The following NEDD4L variants were observed in gnomAD, a reference collection of about 807,000 sequenced individuals.
NEDD4L encodes the protein E3 ubiquitin-protein ligase NEDD4-like.
In NEDD4L, 54 loss-of-function variants were observed where a neutral mutation model predicts 148.9. The observed-to-expected ratio is 0.36, with a 90% CI of 0.29 to 0.45. The LOEUF (loss-of-function observed/expected upper bound fraction) is 0.45, where lower values mean the gene tolerates loss of function less well. NEDD4L is among the 20% of genes least tolerant of loss of function. NEDD4L has a pLI of 1.00. For missense variants in NEDD4L, 856 were observed against 1,233.8 expected, an observed-to-expected ratio of 0.69 and a Z score of 4.59; for synonymous variants, 433 against 440.7, an observed-to-expected ratio of 0.98 and a Z score of 0.22.
At chr18:58,310,052 G>A (rs533089702) in intron 5 of NEDD4L, among the ~76,000 whole-genome samples, 2 of 151,888 alleles carry the variant, frequency 1.3e-5, no homozygotes, top group South Asian at 2.1e-4. Flanking sequence ...ACTCTTGCTC[G>A]CTCTCTTTCT....
At chr18:58,314,037 A>G (rs983983436) in intron 5 of NEDD4L, among the ~76,000 whole-genome samples, 4 of 152,238 alleles carry the variant, frequency 2.6e-5, no homozygotes, top group Non-Finnish European at 5.9e-5. Flanking sequence ...CTCTGCTCAC[A>G]TTAAGCAGAC....
chr18:58,380,296 T>TTTTTTTTATTTA (rs1555863201), intron 24 of NEDD4L, among the ~76,000 whole-genome samples: 11 of 141,768 alleles, frequency 7.8e-5, no homozygotes, highest in African/African-American at 2.9e-4. Flanking sequence ...TTCTTTTTTA[T>TTTTTTTTATTTA]TTTATTTATT....
At chr18:58,120,350 T>C (rs1302374630) in intron 1 of NEDD4L, among the ~76,000 whole-genome samples, 1 of 152,166 alleles carries the variant, frequency 6.6e-6, no homozygotes. Context: ...CCAATTGTAT[T>C]CTCCCTCCCT....
chr18:58,393,043 C>T (rs1445088806), intron 30 of NEDD4L, among the ~76,000 whole-genome samples: 1 of 152,176 alleles, frequency 6.6e-6, no homozygotes, highest in Non-Finnish European at 1.5e-5. Context: ...AGCCTGCACC[C>T]TTTACCACTA....
chr18:58,167,436 T>C (rs1266646392), intron 2 of NEDD4L, among the ~76,000 whole-genome samples: 4 of 152,234 alleles, frequency 2.6e-5, no homozygotes, highest in Non-Finnish European at 5.9e-5. Flanking sequence ...ATTTGCTCTC[T>C]ACCAAAGCCC....
intron 1 of NEDD4L, among the ~76,000 whole-genome samples, chr18:58,069,252 T>C (rs1240385471): frequency 6.6e-6 from 1 of 152,110 alleles, no homozygotes; most frequent in African/African-American, 2.4e-5. Context: ...CCTCATGCCC[T>C]TCCTCAGCAA....
intron 1 of NEDD4L, among the ~76,000 whole-genome samples, chr18:58,088,624 T>C (rs2083890814): frequency 6.6e-6 from 1 of 152,232 alleles, no homozygotes; most frequent in Non-Finnish European, 1.5e-5. Flanking sequence ...ACATATAAAC[T>C]TCATTATTGC....
chr18:58,063,397 A>G (rs993735537), intron 1 of NEDD4L, among the ~76,000 whole-genome samples: 3 of 151,964 alleles, frequency 2.0e-5, no homozygotes, highest in Admixed American at 6.6e-5. Flanking sequence ...ACTCAGCCCA[A>G]TATTGAAGAG....
rs146275163 is a variant in NEDD4L, at chr18:58,200,823, A to G, written c.122+34962A>G. Among the ~76,000 whole-genome samples the G allele has an allele frequency of 2.3e-3, 348 of 152,348 alleles. 1 individual carries two copies. The highest frequency in any genetic ancestry group is 8.1e-3 in the African/African-American group (336 of 41,580). The stretch of plus-strand genomic sequence containing the variant: ...TTTTGTTGTGAAAACAGAATGAGAT[A>G]ATATAAAATGTATTTGAATACAGTG... On this transcript the variant is annotated intron_variant, in intron 2 of 30. Coordinates refer to ENST00000400345, the MANE Select transcript of NEDD4L (RefSeq NM_001144967.3).
chr18:58,342,284 C>G (rs572720240), intron 15 of NEDD4L, among the ~76,000 whole-genome samples: 1 of 152,294 alleles, frequency 6.6e-6, no homozygotes, highest in Non-Finnish European at 1.5e-5. Context: ...TCTGCTTGTG[C>G]TCTCTGTCGT....
At chr18:58,356,751 C>T (rs1267810579) in intron 18 of NEDD4L, among the ~76,000 whole-genome samples, 1 of 152,036 alleles carries the variant, frequency 6.6e-6, no homozygotes, top group African/African-American at 2.4e-5. Flanking sequence ...AGCAGTTTTT[C>T]AACACCATAA....
intron 5 of NEDD4L, among the ~76,000 whole-genome samples, chr18:58,301,275 G>A (rs1363325565): frequency 2.0e-5 from 3 of 152,172 alleles, no homozygotes; most frequent in South Asian, 2.1e-4. Context: ...TCTCCTCCTC[G>A]TGTTCTAGTA....
intron 1 of NEDD4L, among the ~76,000 whole-genome samples, chr18:58,052,988 C>T (rs8097619): frequency 0.9 from 137,487 of 152,214 alleles, 62,179 homozygotes; most frequent in East Asian, 1. Flanking sequence ...TGATGTGAAA[C>T]CTGTTCTGTG....
intron 1 of NEDD4L, among the ~76,000 whole-genome samples, chr18:58,109,290 T>C (rs2085267833): frequency 6.6e-6 from 1 of 152,246 alleles, no homozygotes; most frequent in African/African-American, 2.4e-5. Context: ...TTTGGATTTA[T>C]GCCCACAGAA....
chr18:58,194,484 T>C (rs2040451651), intron 2 of NEDD4L, among the ~76,000 whole-genome samples: 1 of 152,246 alleles, frequency 6.6e-6, no homozygotes, highest in Non-Finnish European at 1.5e-5. Context: ...ATAAAGCCTT[T>C]ATTTTCCTCA....
chr18:58,387,332 G>C (rs1385988075), intron 26 of NEDD4L, 107 bp from the exon 27 acceptor site: 4 of 1,257,058 alleles, frequency 3.2e-6, no homozygotes, highest in Non-Finnish European at 4.3e-6. Context: ...GAATCATCAG[G>C]AGAGATTATA....
chr18:58,178,859 A>G (rs947951254), intron 2 of NEDD4L, among the ~76,000 whole-genome samples: 2 of 152,230 alleles, frequency 1.3e-5, no homozygotes, highest in Non-Finnish European at 2.9e-5. Context: ...TGACTTTTAG[A>G]TGCTTAAAAC....
chr18:58,396,071 G>C (rs893009661), intron 30 of NEDD4L, 96 bp from the exon 31 acceptor site: 4 of 771,828 alleles, frequency 5.2e-6, no homozygotes, highest in Admixed American at 2.6e-5. Context: ...GTTGGTTAAG[G>C]CTTTTTTATT....
chr18:58,153,200 T>A (rs558211936), intron 1 of NEDD4L, among the ~76,000 whole-genome samples: 1 of 147,762 alleles, frequency 6.8e-6, no homozygotes, highest in East Asian at 2.0e-4. Flanking sequence ...TAATTTTTTT[T>A]TAAAAAAATG....
Sources: allele counts gnomAD v4.1 joint callset (sites outside exome capture counted in the v4.1 genomes callset), GRCh38; gene constraint gnomAD v4.1.1; transcripts MANE v1.5; gene names NCBI Gene and HGNC (gene_info 2026-07-23, HGNC 2026-07-21).